NECTIN3: variants seen among roughly 807,000 people sequenced by gnomAD.
NECTIN3 encodes nectin cell adhesion molecule 3.
A neutral mutation model predicts 49.4 loss-of-function variants in NECTIN3; 8 were observed. The observed-to-expected ratio is 0.16, with a 90% CI of 0.10 to 0.29. The LOEUF (loss-of-function observed/expected upper bound fraction) is 0.29, where lower values mean the gene tolerates loss of function less well. Ranked by LOEUF, NECTIN3 falls within the 10% of genes least tolerant of loss-of-function variation. The probability of loss-of-function intolerance (pLI) is 1.00; values close to 1 mark genes in which losing one functional copy is unlikely to be tolerated. For missense variants in NECTIN3, 581 were observed against 654.6 expected (o/e 0.89, Z 1.23); for synonymous variants, 277 against 241.1 (o/e 1.15, Z -1.38).
intron 5 of NECTIN3, chr3:111,144,844 T>C (rs1414357013): frequency 6.7e-7 from 1 of 1,486,926 alleles, no homozygotes; most frequent in Non-Finnish European, 9.0e-7. Flanking sequence ...AGGTATGCAA[T>C]TTCAAGAATT....
At chr3:111,190,530 A>G (rs956668336), upstream of NECTIN3, among the ~76,000 whole-genome samples, 13 of 152,226 alleles carry the variant, frequency 8.5e-5, no homozygotes, top group African/African-American at 2.9e-4. Flanking sequence ...GAAGTCCAAG[A>G]TGAAGGTATC....
At chr3:111,123,223 A>T (rs947457621) in intron 4 of NECTIN3, among the ~76,000 whole-genome samples, 2 of 152,066 alleles carry the variant, frequency 1.3e-5, no homozygotes, top group African/African-American at 4.8e-5. Flanking sequence ...TTATTTTATG[A>T]GTGTAGTATC....
Position 111,134,182 on chromosome 3 carries a change from T to G in NECTIN3, c.1617T>G (p.Gly539=). The stretch of plus-strand genomic sequence containing the variant: ...ATGACTTAGTTTCACATGTAGATGG[T>G]TCCGTAATTTCCAGGAGGGAGTGGT... ...NEDDLVSHVD[G]SVISRREWYV Residue 539 remains glycine (G), a synonymous_variant, in exon 6 of 6, where the codon GGT becomes GGG. Coordinates refer to ENST00000485303, the MANE Select transcript of NECTIN3 (RefSeq NM_015480.3). 2 of 1,607,744 alleles carry G rather than the reference T, an allele frequency of 1.2e-6. No individual in the cohort carries two copies. Among genetic ancestry groups the G allele is most frequent in the South Asian group, 2.2e-5 (2 of 89,834 alleles).
At chr3:111,116,375 A>G (rs2033690453) in intron 2 of NECTIN3, among the ~76,000 whole-genome samples, 1 of 152,214 alleles carries the variant, frequency 6.6e-6, no homozygotes, top group Non-Finnish European at 1.5e-5. Context: ...AGCTAGTATC[A>G]TTCTAAATCC....
At chr3:111,144,822 A>G (rs2034834863) in intron 5 of NECTIN3, 1 of 1,429,226 alleles carries the variant, frequency 7.0e-7, no homozygotes. Context: ...AATAGTTTGC[A>G]CATTGTAGAA....
chr3:111,113,553 G>A (rs1212909734), intron 2 of NECTIN3, among the ~76,000 whole-genome samples: 1 of 151,970 alleles, frequency 6.6e-6, no homozygotes, highest in Non-Finnish European at 1.5e-5. Context: ...GATATTTGAG[G>A]CTTAGTATAT....
intron 7 of NECTIN3, among the ~76,000 whole-genome samples, chr3:111,174,731 T>TG (rs889742378): frequency 1.3e-5 from 1 of 77,830 alleles, no homozygotes; most frequent in Non-Finnish European, 2.6e-5. Flanking sequence ...GTTTGGGGGG[T>TG]GGGGGGTGGG....
chr3:111,173,005 T>A (rs75600803), intron 7 of NECTIN3, among the ~76,000 whole-genome samples: 1,541 of 152,336 alleles, frequency 0.01, 34 homozygotes, highest in African/African-American at 0.033. Context: ...TCCAAGCAAC[T>A]TTCATACAAA....
intron 1 of NECTIN3, among the ~76,000 whole-genome samples, chr3:111,080,799 A>G (rs2031548835): frequency 1.3e-5 from 2 of 152,174 alleles, no homozygotes; most frequent in South Asian, 2.1e-4. Context: ...TTGGCCCTCT[A>G]AAGCTTATGA....
At chr3:111,141,216 A>G (rs2034736253), downstream of NECTIN3, among the ~76,000 whole-genome samples, 1 of 152,016 alleles carries the variant, frequency 6.6e-6, no homozygotes. Flanking sequence ...GGCTATTACA[A>G]ATGAAGAATG....
At chr3:111,105,568 A>G (rs747503660) in intron 1 of NECTIN3, among the ~76,000 whole-genome samples, 1 of 152,208 alleles carries the variant, frequency 6.6e-6, no homozygotes, top group African/African-American at 2.4e-5. Flanking sequence ...GTCTGCTACT[A>G]AACACCCTTT....
intron 7 of NECTIN3, among the ~76,000 whole-genome samples, chr3:111,184,978 G>A (rs1354835254): frequency 6.6e-6 from 1 of 152,202 alleles, no homozygotes; most frequent in African/African-American, 2.4e-5. Context: ...TACTTCAGCT[G>A]GTTGGATCAA....
chr3:111,146,260 C>A (rs922449388), intron 6 of NECTIN3, among the ~76,000 whole-genome samples: 1 of 151,632 alleles, frequency 6.6e-6, no homozygotes, highest in Non-Finnish European at 1.5e-5. Context: ...CGGTGAAACC[C>A]CGTCTCTACT....
At chr3:111,138,266 C>CA, downstream of NECTIN3, among the ~76,000 whole-genome samples, 1 of 151,502 alleles carries the variant, frequency 6.6e-6, no homozygotes, top group East Asian at 1.9e-4. Flanking sequence ...CTATTTTTGA[C>CA]CAGGGTTTTT....
At chr3:111,089,887 T>G (rs551423841) in intron 1 of NECTIN3, among the ~76,000 whole-genome samples, 1 of 152,246 alleles carries the variant, frequency 6.6e-6, no homozygotes, top group East Asian at 1.9e-4. Flanking sequence ...ATTTGTCTAT[T>G]TTTTCTTTTG....
At chr3:111,150,949 G>A (rs1576164443) in intron 7 of NECTIN3, among the ~76,000 whole-genome samples, 1 of 151,780 alleles carries the variant, frequency 6.6e-6, no homozygotes, top group Non-Finnish European at 1.5e-5. Context: ...TGTTATTCCT[G>A]TAAGTGAAAG....
At chr3:111,192,330 T>C, upstream of NECTIN3, 1 of 1,533,050 alleles carries the variant, frequency 6.5e-7, no homozygotes, top group Non-Finnish European at 8.7e-7. Context: ...ACAGTGCACA[T>C]CTTTTTGTGT....
Position 111,136,643 on chromosome 3 carries a change from T to A in NECTIN3, c.*2428T>A, listed in dbSNP as rs1316156788. 1.1e-6 allele frequency: 1 copy of A among 906,258 alleles called. No individual in the cohort carries two copies. Among genetic ancestry groups the A allele is most frequent in the Non-Finnish European group, 1.3e-6 (1 of 758,324 alleles). The allele number at this position is 906,258 out of a possible 1,614,324, so 56.1% of individuals were successfully genotyped here. A position where few individuals can be genotyped will look rare whatever the true frequency, so the allele number is the denominator to read the frequency against. ...GAATACCAGTGATATTCATAACTAC[T>A]TGACAGGTATATATGAAAATTCTAC... On this transcript the variant is annotated 3_prime_UTR_variant, in exon 6 of 6. Transcript: ENST00000485303.
At chr3:111,126,763 C>CGTT (rs1251726605) in intron 5 of NECTIN3, among the ~76,000 whole-genome samples, 1 of 152,034 alleles carries the variant, frequency 6.6e-6, no homozygotes, top group Non-Finnish European at 1.5e-5. Context: ...TGTTAAATAG[C>CGTT]GTTGTTTCCC....
Sources: gnomAD v4.1 joint callset for allele counts (sites outside exome capture counted in the v4.1 genomes callset) on GRCh38, gnomAD v4.1.1 for gene constraint, MANE v1.5 for transcripts, NCBI Gene and HGNC (gene_info 2026-07-23, HGNC 2026-07-21) for gene names.